REXO1: variants seen among roughly 807,000 people sequenced by gnomAD.
REXO1 encodes REX1, RNA exonuclease 1 homolog.
Under a neutral mutation model 102.6 loss-of-function variants are expected in REXO1, and 42 were observed. That is an observed-to-expected ratio of 0.41 (90% CI 0.32 to 0.53). REXO1 has a LOEUF of 0.53. REXO1 is among the 20% of genes least tolerant of loss of function. REXO1 has a pLI of 0.27. For missense variants in REXO1, 1,819 were observed against 1,732.5 expected (o/e 1.05, Z -0.89); for synonymous variants, 908 against 779.1 (o/e 1.17, Z -2.76).
rs530762563 is a variant in REXO1 at position 1,820,480 on chromosome 19, T to C, written c.2395-85A>G. 23 of 1,518,600 alleles carry C rather than the reference T, an allele frequency of 1.5e-5. No individual in the cohort carries two copies. The Admixed American group carries it at 2.8e-4, about 19-fold the overall frequency. 94.1% of individuals were successfully genotyped at this position (1,518,600 alleles called of 1,614,324 possible). A position where few individuals can be genotyped will look rare whatever the true frequency, so the allele number is the denominator to read the frequency against. On this transcript the variant is annotated intron_variant, in intron 5 of 15. Transcript: ENST00000170168. ...CGCAGACGCGATGAGGCCGTGCCCATGGCTGGAGGCAAGAGTGAGGTGCGC... is the reference window on the plus strand; with the variant it reads ...CGCAGACGCGATGAGGCCGTGCCCACGGCTGGAGGCAAGAGTGAGGTGCGC...
In REXO1 at chr19:1,817,694, C is replaced by A. The variant is rs201434910; in HGVS notation, c.3090+13G>T. On this transcript the variant is annotated intron_variant, in intron 11 of 15. Coordinates refer to ENST00000170168, the MANE Select transcript of REXO1 (RefSeq NM_020695.4). ...TGAGAACAGGCAGAGGGGACTGGGA[C>A]GCCAGGGCTCACCTTTGCGACTTGG... is the stretch of plus-strand genomic sequence containing the variant. 6.2e-7 allele frequency: 1 copy of A among 1,610,248 alleles called. No homozygotes were observed. Among genetic ancestry groups the A allele is most frequent in the Non-Finnish European group, 8.5e-7 (1 of 1,178,504 alleles).
At position 1,848,453 on chromosome 19, in the gene REXO1, C is replaced by G; in HGVS notation, c.-95G>C. ...TCGCCGCCGCCCGCGCCTCACGGAC[C>G]CCGCCGCCGCCATCTTGCTCCGAGG... is the stretch of plus-strand genomic sequence containing the variant. On this transcript the variant is annotated 5_prime_UTR_variant, in exon 1 of 16. Transcript: ENST00000170168. 2 of 938,160 alleles carry G rather than the reference C, an allele frequency of 2.1e-6. No homozygotes were observed. Among genetic ancestry groups the G allele is most frequent in the South Asian group, 4.9e-5 (1 of 20,352 alleles). The allele number at this position is 938,160 out of a possible 1,614,324, so 58.1% of individuals were successfully genotyped here. A position where few individuals can be genotyped will look rare whatever the true frequency, so the allele number is the denominator to read the frequency against.
chr19:1,843,974 G>A (rs555788203), intron 1 of REXO1, among the ~76,000 whole-genome samples: 2 of 152,362 alleles, frequency 1.3e-5, no homozygotes, highest in African/African-American at 4.8e-5. Context: ...CGCCTGACTC[G>A]GGGCCTCAGA....
intron 1 of REXO1, among the ~76,000 whole-genome samples, chr19:1,834,385 C>G (rs1391212862): frequency 6.6e-6 from 1 of 152,238 alleles, no homozygotes; most frequent in South Asian, 2.1e-4. Context: ...ATCTGGGGGA[C>G]GTGGGCTTGT....
chr19:1,820,551 A>C (rs1316309117), intron 5 of REXO1, among the ~76,000 whole-genome samples, 156 bp from the exon 6 acceptor site: 1 of 152,208 alleles, frequency 6.6e-6, no homozygotes, highest in African/African-American at 2.4e-5. Context: ...ACGCCAAGGC[A>C]AGACAGGAGC....
intron 1 of REXO1, among the ~76,000 whole-genome samples, chr19:1,844,411 AAGG>A (rs1432558035): frequency 2.0e-5 from 3 of 152,198 alleles, no homozygotes; most frequent in Non-Finnish European, 4.4e-5. Flanking sequence ...GAAGAGCCAG[AAGG>A]AGGAGGACCC....
rs749753207 is a variant in REXO1, at chr19:1,823,583, C to T, written c.2219G>A (p.Arg740His). The T allele has an allele frequency of 3.0e-6, 4 of 1,313,086 alleles. No homozygotes were observed. The highest frequency in any genetic ancestry group is 1.5e-5 in the African/African-American group (1 of 65,628). 81.3% of individuals were successfully genotyped at this position (1,313,086 alleles called of 1,614,324 possible). Reference protein sequence around the residue: ...KRRIAHIPNPRLAAAPTGAKR... With the variant: ...KRRIAHIPNPHLAAAPTGAKR... Reference sequence around the variant, plus strand: ...GGGCCAGGACTCACCTGCAGCCAGGCGGGGGTTGGGGATGTGGGCGATCCT... The same window carrying T: ...GGGCCAGGACTCACCTGCAGCCAGGTGGGGGTTGGGGATGTGGGCGATCCT... Residue 740 changes from arginine (R) to histidine (H), a missense_variant, in exon 4 of 16, where the codon CGC (arginine) becomes CAC (histidine). By Grantham distance (29) the Arg-to-His change is conservative. Coordinates refer to ENST00000170168, the MANE Select transcript of REXO1 (RefSeq NM_020695.4).
At position 1,827,868 on chromosome 19, in the gene REXO1, G is replaced by C; in HGVS notation, c.921C>G (p.Pro307=). The C allele has an allele frequency of 6.2e-7, 1 of 1,613,510 alleles. No homozygotes were observed. The highest frequency in any genetic ancestry group is 8.5e-7 in the Non-Finnish European group (1 of 1,179,870). Residue 307 remains proline (P), a synonymous_variant, in exon 2 of 16, where the codon CCC becomes CCG. Transcript: ENST00000170168. ...TGATCTCAGGGTCGGCCCTGGCTTT[G>C]GGGGTGCTGGCCGTGGTGGGCTCGT... ...PGNEPTTAST[P]KARADPEIKA... is the part of the protein sequence containing the mutation.
chr19:1,836,320 C>T (rs918801352), intron 1 of REXO1, among the ~76,000 whole-genome samples: 4 of 152,212 alleles, frequency 2.6e-5, no homozygotes, highest in African/African-American at 9.6e-5. Flanking sequence ...CCCGTCCAAA[C>T]TCCTGTCTTC....
At chr19:1,817,183 A>C (rs369771918) in intron 12 of REXO1, 36 bp downstream of exon 12, 2 of 1,607,100 alleles carry the variant, frequency 1.2e-6, no homozygotes, top group Admixed American at 3.3e-5. Flanking sequence ...GTCCTCCCCA[A>C]TCCTGAACCC....
intron 13 of REXO1, 52 bp downstream of exon 13, chr19:1,816,646 T>C: frequency 1.3e-6 from 2 of 1,491,612 alleles, no homozygotes; most frequent in Non-Finnish European, 1.8e-6. Context: ...GGTGGGTCCC[T>C]GGGGAGAGGC....
intron 1 of REXO1, among the ~76,000 whole-genome samples, chr19:1,847,720 A>T (rs2011611647): frequency 6.6e-6 from 1 of 152,240 alleles, no homozygotes; most frequent in Non-Finnish European, 1.5e-5. Context: ...TCCTCGGACC[A>T]TCCTAACTCA....
chr19:1,817,780 A>G lies in REXO1; in HGVS notation c.3017T>C (p.Val1006Ala), dbSNP rs1401356455. ...GTACTGGGTCTCCCAGCCTCCGGCCACTGCAGGGGACACAGACACACAGTC... is the reference window on the plus strand; with the variant it reads ...GTACTGGGTCTCCCAGCCTCCGGCCGCTGCAGGGGACACAGACACACAGTC... ...YHWGRLRRNRVAGGWETQYMC... is the reference protein window; with the variant it reads ...YHWGRLRRNRAAGGWETQYMC... Residue 1006 changes from valine (V) to alanine (A), a missense_variant and splice_region_variant, in exon 11 of 16, where the codon GTG (valine) becomes GCG (alanine). Transcript: ENST00000170168. The G allele has an allele frequency of 5.6e-6, 9 of 1,611,408 alleles. No individual in the cohort carries two copies. Among genetic ancestry groups the G allele is most frequent in the South Asian group, 1.1e-5 (1 of 90,810 alleles).
Position 1,841,864 on chromosome 19 carries a change from G to C in REXO1, c.157+6338C>G, listed in dbSNP as rs375397514. Among the ~76,000 whole-genome samples, 35 of 152,228 alleles carry C rather than the reference G, an allele frequency of 2.3e-4. 2 individuals are homozygous for C. The East Asian group carries it at 2.5e-3, about 11-fold the overall frequency. On this transcript the variant is annotated intron_variant, in intron 1 of 15. Transcript: ENST00000170168. ...CTGGGGGCAGGGACGGTGCTTCTCA[G>C]GGTCTCTGCCTCTCCCTACAGGCAG...
Position 1,815,478 on chromosome 19 carries a change from G to A in REXO1, c.*588C>T, listed in dbSNP as rs961113047. 16 of 185,694 alleles carry A rather than the reference G, an allele frequency of 8.6e-5. No homozygotes were observed. Among genetic ancestry groups the A allele is most frequent in the African/African-American group, 1.7e-4 (7 of 41,722 alleles). 11.5% of individuals were successfully genotyped at this position (185,694 alleles called of 1,614,324 possible). A position where few individuals can be genotyped will look rare whatever the true frequency, so the allele number is the denominator to read the frequency against. On this transcript the variant is annotated 3_prime_UTR_variant, in exon 16 of 16. Coordinates refer to ENST00000170168, the MANE Select transcript of REXO1 (RefSeq NM_020695.4). The surrounding 1 kb of genome is among the most constrained non-coding windows in gnomAD (Gnocchi z 4.0). The stretch of plus-strand genomic sequence containing the variant: ...GTGGAAGCCGGCGCCCCCGAAGACC[G>A]GCCAGCCCCTGGAGCACAGAGGCGG...
intron 1 of REXO1, among the ~76,000 whole-genome samples, chr19:1,844,476 G>C (rs1295186054): frequency 6.6e-6 from 1 of 152,232 alleles, no homozygotes; most frequent in Non-Finnish European, 1.5e-5. Context: ...GTACATGGTG[G>C]CTGGGCTTCA....
intron 1 of REXO1, among the ~76,000 whole-genome samples, chr19:1,840,002 G>A (rs369684049): frequency 1.3e-5 from 2 of 152,224 alleles, no homozygotes. Context: ...CTGAGCCACT[G>A]TGAGAGGAGG....
chr19:1,825,973 G>A (rs890461936), intron 2 of REXO1, 30 bp from the exon 3 acceptor site: 3 of 1,534,146 alleles, frequency 2.0e-6, no homozygotes, highest in African/African-American at 1.4e-5. Context: ...GTCAGCACAG[G>A]TCTGCCCTCG....
At chr19:1,832,498 G>A (rs1051184124) in intron 1 of REXO1, among the ~76,000 whole-genome samples, 1 of 152,258 alleles carries the variant, frequency 6.6e-6, no homozygotes, top group Non-Finnish European at 1.5e-5. Flanking sequence ...CAGAGGAGGT[G>A]GGAGGAGGCC....
Sources: gnomAD v4.1 joint callset for allele counts (sites outside exome capture counted in the v4.1 genomes callset) on GRCh38, gnomAD v4.1.1 for gene constraint, Gnocchi (gnomAD v3.1) non-coding constraint, MANE v1.5 for transcripts, NCBI Gene and HGNC (gene_info 2026-07-23, HGNC 2026-07-21) for gene names.